CCL26: variants seen among roughly 807,000 people sequenced by gnomAD.
The protein encoded by CCL26 is C-C motif chemokine ligand 26, also known as C-C motif chemokine 26.
A neutral mutation model predicts 10.7 loss-of-function variants in CCL26; 10 were observed. The observed-to-expected ratio is 0.93, with a 90% CI of 0.57 to 1.58. The LOEUF is 1.58. Ranked by LOEUF, CCL26 falls within the 40% of genes most tolerant of loss-of-function variation. The probability of loss-of-function intolerance (pLI) is 0.00; values close to 1 mark genes in which losing one functional copy is unlikely to be tolerated. For synonymous variants in CCL26, 43 were observed against 41.4 expected (o/e 1.04, Z -0.15); for missense variants, 116 against 111.0 (o/e 1.05, Z -0.20).
At chr7:75,778,848 T>TCGG (rs59030718) in intron 1 of CCL26, among the ~76,000 whole-genome samples, 32,202 of 149,072 alleles carry the variant, frequency 0.22, 3,511 homozygotes, top group African/African-American at 0.27. Context: ...GAGGCCAAGG[T>TCGG]GGGGGGGGCA....
intron 1 of CCL26, among the ~76,000 whole-genome samples, chr7:75,784,017 C>T (rs1309866117): frequency 1.3e-5 from 2 of 152,200 alleles, no homozygotes; most frequent in African/African-American, 4.8e-5. Flanking sequence ...TTAATAACCT[C>T]GCCTTCAAGG....
At position 75,777,721 on chromosome 7, in the gene CCL26, GAAAAAA is replaced by G. The variant is rs60039632; in HGVS notation, c.-78-5473_-78-5468del. On this transcript the variant is annotated intron_variant, in intron 1 of 3. Coordinates refer to the CCL26 transcript ENST00000394905. ...CCCAACAGAGTGAGATCCTGTCTCA[GAAAAAA>G]AAAAAAAAAAAAAAAGCAGCAGCAG... is the stretch of plus-strand genomic sequence containing the variant. 1.2e-3 allele frequency among the ~76,000 whole-genome samples: 73 copies of G among 60,552 alleles called. 4 individuals are homozygous for G. The highest frequency in any genetic ancestry group is 4.5e-3 in the Admixed American group (16 of 3,554). The allele number at this position is 60,552 out of a possible 152,430, so 39.7% of individuals were successfully genotyped here. A position where few individuals can be genotyped will look rare whatever the true frequency, so the allele number is the denominator to read the frequency against.
chr7:75,781,627 A>G (rs1803066009), intron 1 of CCL26, among the ~76,000 whole-genome samples: 1 of 152,164 alleles, frequency 6.6e-6, no homozygotes. Flanking sequence ...ACAATCACAA[A>G]AGAAGTGAAA....
intron 1 of CCL26, among the ~76,000 whole-genome samples, chr7:75,787,731 C>G (rs952450623): frequency 7.1e-6 from 1 of 140,938 alleles, no homozygotes; most frequent in African/African-American, 2.6e-5. Context: ...AGGACTCTGT[C>G]AAAAACAGAG....
At chr7:75,779,183 C>T (rs1458616137) in intron 1 of CCL26, among the ~76,000 whole-genome samples, 3 of 151,976 alleles carry the variant, frequency 2.0e-5, no homozygotes, top group African/African-American at 7.2e-5. Flanking sequence ...TCCTATAAAA[C>T]AGCCCCACCC....
At chr7:75,790,376 A>T (rs1036636804), upstream of CCL26, among the ~76,000 whole-genome samples, 4 of 150,840 alleles carry the variant, frequency 2.7e-5, no homozygotes, top group Admixed American at 6.7e-5. Flanking sequence ...CAGCCTTCTG[A>T]GTAGCTGGAA....
chr7:75,778,848 TG>T (rs1554529061), intron 1 of CCL26, among the ~76,000 whole-genome samples: 3 of 149,142 alleles, frequency 2.0e-5, no homozygotes, highest in South Asian at 4.2e-4. Flanking sequence ...GAGGCCAAGG[TG>T]GGGGGGGCAG....
At chr7:75,779,191 C>T (rs1372260794) in intron 1 of CCL26, among the ~76,000 whole-genome samples, 1 of 152,060 alleles carries the variant, frequency 6.6e-6, no homozygotes, top group Middle Eastern at 3.2e-3. Context: ...AACAGCCCCA[C>T]CCCTATCTCC....
At chr7:75,777,147 G>A (rs1352474799), upstream of CCL26, among the ~76,000 whole-genome samples, 2 of 152,096 alleles carry the variant, frequency 1.3e-5, no homozygotes, top group Admixed American at 6.6e-5. Context: ...CAGGAGAATC[G>A]CTTGAACCTG....
intron 1 of CCL26, among the ~76,000 whole-genome samples, chr7:75,778,300 C>A (rs1802985191): frequency 6.6e-6 from 1 of 152,050 alleles, no homozygotes; most frequent in Non-Finnish European, 1.5e-5. Flanking sequence ...TAGCTCACTG[C>A]AGCCTTGACC....
At chr7:75,781,262 T>C (rs1803055030) in intron 1 of CCL26, among the ~76,000 whole-genome samples, 1 of 152,200 alleles carries the variant, frequency 6.6e-6, no homozygotes, top group Non-Finnish European at 1.5e-5. Context: ...TATACAATAA[T>C]AGAGTAGAGG....
intron 1 of CCL26, among the ~76,000 whole-genome samples, chr7:75,787,472 G>A (rs1419690149): frequency 1.3e-5 from 2 of 151,520 alleles, no homozygotes; most frequent in Non-Finnish European, 1.5e-5. Context: ...GTGAAACCCC[G>A]TCTGTACTAA....
At chr7:75,777,738 A>AAAAAAAAAAAAAAAAC (rs1802972904) in intron 1 of CCL26, among the ~76,000 whole-genome samples, 2 of 150,814 alleles carry the variant, frequency 1.3e-5, no homozygotes, top group African/African-American at 4.9e-5. Flanking sequence ...AAAAAAAAAA[A>AAAAAAAAAAAAAAAAC]AAAAGCAGCA....
At chr7:75,782,807 A>C (rs1002410914) in intron 1 of CCL26, among the ~76,000 whole-genome samples, 2 of 151,964 alleles carry the variant, frequency 1.3e-5, no homozygotes, top group African/African-American at 4.8e-5. Flanking sequence ...CTCTGCTCCC[A>C]ATGAGACTCA....
intron 1 of CCL26, among the ~76,000 whole-genome samples, chr7:75,785,765 A>G (rs1466488344): frequency 6.6e-6 from 1 of 152,160 alleles, no homozygotes; most frequent in Non-Finnish European, 1.5e-5. Flanking sequence ...CCTTGAAGAC[A>G]GCTTTAGAGA....
At position 75,778,848 on chromosome 7, in the gene CCL26, T is replaced by TGGGG. The variant is rs1554529061; in HGVS notation, c.-78-6598_-78-6595dup. Reference sequence around the variant, plus strand: ...ATCCCAGCACTTTGGGAGGCCAAGGTGGGGGGGGCAGATCACTAGGTCAGG... The same window carrying TGGGG: ...ATCCCAGCACTTTGGGAGGCCAAGGTGGGGGGGGGGGGCAGATCACTAGGTCAGG... On this transcript the variant is annotated intron_variant, in intron 1 of 3. Transcript: ENST00000394905. Among the ~76,000 whole-genome samples the TGGGG allele has an allele frequency of 1.5e-3, 226 of 149,244 alleles. 1 individual carries two copies. Among genetic ancestry groups the TGGGG allele is most frequent in the African/African-American group, 5.4e-3 (214 of 39,644 alleles).
At chr7:75,788,852 C>T (rs539132969) in intron 1 of CCL26, among the ~76,000 whole-genome samples, 34 of 152,140 alleles carry the variant, frequency 2.2e-4, no homozygotes, top group Middle Eastern at 3.4e-3. Flanking sequence ...TATCTGGGTG[C>T]TGGTTCACCT....
intron 1 of CCL26, chr7:75,789,702 G>C (rs1335721805): frequency 1.4e-5 from 2 of 147,726 alleles, no homozygotes; most frequent in Non-Finnish European, 3.0e-5. Context: ...CAGAAACAAA[G>C]TCCCTGACCC....
chr7:75,790,710 G>A (rs558700071), upstream of CCL26, among the ~76,000 whole-genome samples: 60 of 152,152 alleles, frequency 3.9e-4, no homozygotes, highest in African/African-American at 1.4e-3. Flanking sequence ...GTGGGAGGCC[G>A]AGGCAGGCAG....
Sources: gnomAD v4.1 joint callset for allele counts (sites outside exome capture counted in the v4.1 genomes callset) on GRCh38, gnomAD v4.1.1 for gene constraint, MANE v1.5 for transcripts, NCBI Gene and HGNC (gene_info 2026-07-23, HGNC 2026-07-21) for gene names.